Variants in KCP observed in about 807,000 individuals in gnomAD.
KCP encodes the protein kielin/chordin-like protein.
A neutral mutation model predicts 212.7 loss-of-function variants in KCP; 194 were observed. The observed-to-expected ratio is 0.91, with a 90% CI of 0.81 to 1.03. The LOEUF (loss-of-function observed/expected upper bound fraction) is 1.03, where lower values mean the gene tolerates loss of function less well. KCP is among the 50% of genes least tolerant of loss of function. The pLI is 0.00. For synonymous variants in KCP, 833 were observed against 865.3 expected, an observed-to-expected ratio of 0.96 and a Z score of 0.65; for missense variants, 2,080 against 2,162.5, an observed-to-expected ratio of 0.96 and a Z score of 0.76.
rs183335273 is a variant in KCP, at chr7:128,908,228, G to A, written c.219+198C>T. 2.0e-3 allele frequency among the ~76,000 whole-genome samples: 235 copies of A among 115,964 alleles called. 4 individuals are homozygous for A. The highest frequency in any genetic ancestry group is 7.2e-3 in the South Asian group (24 of 3,326). The allele number at this position is 115,964 out of a possible 152,430, so 76.1% of individuals were successfully genotyped here. A position where few individuals can be genotyped will look rare whatever the true frequency, so the allele number is the denominator to read the frequency against. On this transcript the variant is annotated intron_variant, in intron 2 of 39. Coordinates refer to ENST00000610776, the MANE Select transcript of KCP (RefSeq NM_001366122.1). ...AAAAAAAAGAAAGGAAGGAGGGAAG[G>A]AAAGAAGAAAGGAAGAAAGAAAGAA...
At chr7:128,889,166 G>A (rs1448160339) in intron 21 of KCP, 127 bp from the exon 22 acceptor site, 5 of 624,234 alleles carry the variant, frequency 8.0e-6, no homozygotes, top group Non-Finnish European at 9.4e-6. Flanking sequence ...GGGGCTGGGG[G>A]GTCACAGGCC....
intron 2 of KCP, 21 bp downstream of exon 2, chr7:128,908,405 C>T: frequency 6.5e-7 from 1 of 1,546,370 alleles, no homozygotes; most frequent in Non-Finnish European, 8.7e-7. Context: ...CCAATGCAAA[C>T]CAGCACTGTC....
Position 128,883,901 on chromosome 7 carries a change from T to G in KCP, c.3244+101A>C, listed in dbSNP as rs563945417. The G allele has an allele frequency of 1.8e-4, 249 of 1,397,346 alleles. 2 individuals carry two copies. In the African/African-American group the frequency reaches 3.3e-3, roughly 19 times the overall value. 86.6% of individuals were successfully genotyped at this position (1,397,346 alleles called of 1,614,324 possible). On this transcript the variant is annotated intron_variant, in intron 29 of 39. Coordinates refer to ENST00000610776, the MANE Select transcript of KCP (RefSeq NM_001366122.1). ...GGCATAGGGTTCCAGAACAGTCCAC[T>G]GGAGTCAGGAAGAATCTGGGGCTGG...
chr7:128,906,050 T>C (rs1321646957), intron 5 of KCP, among the ~76,000 whole-genome samples: 1 of 152,234 alleles, frequency 6.6e-6, no homozygotes, highest in Admixed American at 6.5e-5. Context: ...GGAGGCTCCC[T>C]GAGGGCAGGA....
intron 38 of KCP, among the ~76,000 whole-genome samples, chr7:128,878,312 C>T (rs1300528178): frequency 6.6e-6 from 1 of 152,152 alleles, no homozygotes; most frequent in African/African-American, 2.4e-5. Context: ...CCCACCTCGG[C>T]ATCCCAAAGT....
intron 8 of KCP, among the ~76,000 whole-genome samples, chr7:128,899,675 C>A (rs6972002): frequency 0.16 from 23,600 of 152,140 alleles, 2,333 homozygotes; most frequent in East Asian, 0.53. Flanking sequence ...TTCTCTCTAC[C>A]TAATTTATCC....
chr7:128,910,038 T>C (rs1795347271), intron 1 of KCP, among the ~76,000 whole-genome samples: 1 of 152,156 alleles, frequency 6.6e-6, no homozygotes, highest in Non-Finnish European at 1.5e-5. Flanking sequence ...TCTGCTTAAG[T>C]AGGCAGGCAG....
Position 128,884,795 on chromosome 7 carries a change from C to G in KCP, c.3109G>C (p.Val1037Leu). The G allele has an allele frequency of 6.4e-7, 1 of 1,551,134 alleles. No homozygotes were observed. The highest frequency in any genetic ancestry group is 8.7e-7 in the Non-Finnish European group (1 of 1,146,976). ...SFQPGADPCE[V>L]CICEPQPEGP... The stretch of plus-strand genomic sequence containing the variant: ...CCCTCACCTACCTCGCAGATGCACA[C>G]TTCACAGGGGTCTGCCCCAGGCTGG... Residue 1037 changes from valine (V) to leucine (L), a missense_variant, in exon 28 of 40, where the codon GTG (valine) becomes CTG (leucine). Val to Leu is a conservative substitution (Grantham distance 32). Transcript: ENST00000610776.
intron 8 of KCP, among the ~76,000 whole-genome samples, chr7:128,901,328 C>T (rs919089890): frequency 1.3e-5 from 2 of 152,180 alleles, no homozygotes; most frequent in Non-Finnish European, 2.9e-5. Flanking sequence ...CCTCTACTTT[C>T]TTAATAAACT....
rs533392898 is a variant in KCP at position 128,880,386 on chromosome 7, G to T, written c.3759C>A (p.Pro1253=). 2.7e-6 allele frequency: 4 copies of T among 1,483,938 alleles called. No individual in the cohort carries two copies. The highest frequency in any genetic ancestry group is 2.1e-5 in the Admixed American group (1 of 47,200). The allele number at this position is 1,483,938 out of a possible 1,614,324, so 91.9% of individuals were successfully genotyped here. The change falls in exon 34 of 40, where the codon CCC becomes CCA. Residue 1253 remains proline (P), a splice_region_variant and synonymous_variant. Transcript: ENST00000610776. ...CACCATTTTAGATTGCGGCACTCAC[G>T]GGGCCACACGAGAGCGGTGAGCAGC... ...SQRCSPLSCG[P]DKAPALSPGS...
At chr7:128,890,092 A>AT (rs576517000) in intron 21 of KCP, 107 of 575,000 alleles carry the variant, frequency 1.9e-4, no homozygotes, top group African/African-American at 1.7e-3. Context: ...CTGATTTTAA[A>AT]TTTTTTGTGT....
At position 128,894,073 on chromosome 7, in the gene KCP, C is replaced by T; in HGVS notation, c.926-18G>A. On this transcript the variant is annotated intron_variant, in intron 9 of 39. Coordinates refer to ENST00000610776, the MANE Select transcript of KCP (RefSeq NM_001366122.1). ...GAAACAGCCTGTTGGGAAGGGGGGCCTTAGATGTTCCTCAGGGGCCCCTCC... is the reference window on the plus strand; with the variant it reads ...GAAACAGCCTGTTGGGAAGGGGGGCTTTAGATGTTCCTCAGGGGCCCCTCC... 1 of 1,544,896 alleles carries T rather than the reference C, an allele frequency of 6.5e-7. No homozygotes were observed. Among genetic ancestry groups the T allele is most frequent in the South Asian group, 1.2e-5 (1 of 83,784 alleles).
At chr7:128,893,605 G>T in intron 11 of KCP, 129 bp from the exon 12 acceptor site, 1 of 956,704 alleles carries the variant, frequency 1.0e-6, no homozygotes, top group Non-Finnish European at 1.6e-6. Context: ...CGCCCTGCCA[G>T]CAGCCCCCTG....
At chr7:128,900,070 C>T (rs549204331) in intron 8 of KCP, among the ~76,000 whole-genome samples, 1 of 152,104 alleles carries the variant, frequency 6.6e-6, no homozygotes, top group South Asian at 2.1e-4. Flanking sequence ...GGCACAAACC[C>T]ATGGCAAGGC....
At chr7:128,906,392 A>G in intron 4 of KCP, 29 bp from the exon 5 acceptor site, 1 of 1,465,586 alleles carries the variant, frequency 6.8e-7, no homozygotes, top group South Asian at 1.2e-5. Flanking sequence ...GTGGCTGCAC[A>G]GACATCAGAT....
Position 128,877,576 on chromosome 7 carries a change from G to T in KCP, c.4526C>A (p.Ala1509Asp). The change falls in exon 39 of 40, where the codon GCT (alanine) becomes GAT (aspartate). Residue 1509 changes from alanine to aspartate, a missense_variant. Ala to Asp is a moderately radical substitution (Grantham distance 126). Transcript: ENST00000610776. Reference sequence around the variant, plus strand: ...CAGGGCATCACAGAGGCAGGCATCAGCGGAGGAGCCAGGGCCACAGGCACA... The same window carrying T: ...CAGGGCATCACAGAGGCAGGCATCATCGGAGGAGCCAGGGCCACAGGCACA... ...DLCACGPGSS[A>D]DACLCDALEA... The T allele has an allele frequency of 6.4e-7, 1 of 1,551,604 alleles. No homozygotes were observed. Among genetic ancestry groups the T allele is most frequent in the Non-Finnish European group, 8.7e-7 (1 of 1,146,998 alleles).
rs1487785671 is a variant in KCP, at chr7:128,886,683, G to C, written c.2744C>G (p.Ala915Gly). Reference sequence around the variant, plus strand: ...ACAGCGACACCACTCACAGCTGCCTGCTGGTCCCTCAAACTCCTCCCCATC... The same window carrying C: ...ACAGCGACACCACTCACAGCTGCCTCCTGGTCCCTCAAACTCCTCCCCATC... ...HQDGEEFEGP[A>G]GSCEWCRCQA... The change falls in exon 25 of 40, where the codon GCA becomes GGA. Residue 915 changes from alanine to glycine, a missense_variant. Coordinates refer to ENST00000610776, the MANE Select transcript of KCP (RefSeq NM_001366122.1). 6.4e-7 allele frequency: 1 copy of C among 1,551,516 alleles called. No individual in the cohort carries two copies. Among genetic ancestry groups the C allele is most frequent in the Non-Finnish European group, 8.7e-7 (1 of 1,146,962 alleles).
intron 8 of KCP, among the ~76,000 whole-genome samples, chr7:128,902,019 A>G (rs959206446): frequency 6.6e-6 from 1 of 152,218 alleles, no homozygotes; most frequent in African/African-American, 2.4e-5. Flanking sequence ...TAGAAATACA[A>G]TGTTAACCAC....
At chr7:128,896,368 C>A (rs903191812) in intron 8 of KCP, among the ~76,000 whole-genome samples, 3 of 152,088 alleles carry the variant, frequency 2.0e-5, no homozygotes, top group Non-Finnish European at 4.4e-5. Flanking sequence ...GGGTTACAGT[C>A]CCTTCTAATA....
Sources: allele counts gnomAD v4.1 joint callset (sites outside exome capture counted in the v4.1 genomes callset), GRCh38; gene constraint gnomAD v4.1.1; transcripts MANE v1.5; gene names NCBI Gene and HGNC (gene_info 2026-07-23, HGNC 2026-07-21).